Variants in MITF observed in about 807,000 individuals in gnomAD.
MITF encodes microphthalmia-associated transcription factor.
In MITF, 17 loss-of-function variants were observed where a neutral mutation model predicts 60.5. The observed-to-expected ratio is 0.28, with a 90% CI of 0.19 to 0.42. MITF has a LOEUF of 0.42. Among genes scored for constraint, MITF ranks in the 10% least tolerant of loss-of-function variants. The pLI, the probability that MITF is intolerant of heterozygous loss-of-function variation, is 1.00. For synonymous variants in MITF, 260 were observed against 248.5 expected (o/e 1.05, Z -0.43); for missense variants, 622 against 683.5 (o/e 0.91, Z 1.00).
intron 1 of MITF, among the ~76,000 whole-genome samples, chr3:69,874,005 C>T (rs1575857174): frequency 6.6e-6 from 1 of 152,246 alleles, no homozygotes; most frequent in East Asian, 1.9e-4. Context: ...TAGCTTAACC[C>T]ATACATGACA....
In MITF at chr3:69,790,928, A is replaced by G. The variant is rs111654723; in HGVS notation, c.104+51227A>G. Among the ~76,000 whole-genome samples the G allele has an allele frequency of 4.2e-3, 647 of 152,320 alleles. 6 individuals are homozygous for G. Among genetic ancestry groups the G allele is most frequent in the African/African-American group, 0.014 (600 of 41,556 alleles). Reference sequence around the variant, plus strand: ...GTAGGTTTAAGATATTAAACTTCTTAATTCCAAATGCATCCAATAATAATA... The same window carrying G: ...GTAGGTTTAAGATATTAAACTTCTTGATTCCAAATGCATCCAATAATAATA... On this transcript the variant is annotated intron_variant, in intron 1 of 9. Coordinates refer to ENST00000352241, the MANE Select transcript of MITF (RefSeq NM_001354604.2).
intron 1 of MITF, among the ~76,000 whole-genome samples, chr3:69,780,932 T>C (rs967399616): frequency 1.3e-5 from 2 of 152,184 alleles, no homozygotes; most frequent in African/African-American, 4.8e-5. Context: ...GTGACCATCT[T>C]TGGAGACAAC....
chr3:69,947,420 C>T (rs547750814), intron 5 of MITF, among the ~76,000 whole-genome samples: 3 of 152,160 alleles, frequency 2.0e-5, no homozygotes, highest in African/African-American at 7.2e-5. Context: ...TTAAATTGGA[C>T]AAGAATAAAA....
chr3:69,885,634 G>A (rs1226100070), intron 2 of MITF, among the ~76,000 whole-genome samples: 3 of 152,096 alleles, frequency 2.0e-5, no homozygotes, highest in African/African-American at 4.8e-5. Flanking sequence ...TACATAAACC[G>A]ATAAACAGTA....
At chr3:69,794,405 G>A (rs1201756272) in intron 1 of MITF, among the ~76,000 whole-genome samples, 3 of 152,116 alleles carry the variant, frequency 2.0e-5, no homozygotes, top group Non-Finnish European at 4.4e-5. Context: ...ATGGCTTTGT[G>A]TTGTTTGACG....
intron 1 of MITF, among the ~76,000 whole-genome samples, chr3:69,859,205 C>T (rs1212189680): frequency 1.3e-5 from 2 of 152,078 alleles, no homozygotes; most frequent in South Asian, 2.1e-4. Flanking sequence ...AATAGCAGAC[C>T]TCTCAGAAGT....
chr3:69,921,708 T>C (rs2065471831), intron 2 of MITF, among the ~76,000 whole-genome samples: 2 of 152,190 alleles, frequency 1.3e-5, no homozygotes, highest in Admixed American at 1.3e-4. Flanking sequence ...AGCATGTCAA[T>C]AGTTCATGAG....
At chr3:69,796,013 G>A (rs1233167229) in intron 1 of MITF, among the ~76,000 whole-genome samples, 4 of 152,188 alleles carry the variant, frequency 2.6e-5, no homozygotes, top group Admixed American at 6.5e-5. Context: ...ACGGAGTTGC[G>A]CTCAGTCGCC....
intron 1 of MITF, among the ~76,000 whole-genome samples, chr3:69,795,751 C>G (rs894006183): frequency 3.3e-5 from 5 of 152,052 alleles, no homozygotes; most frequent in African/African-American, 1.2e-4. Flanking sequence ...AAAAATAAAT[C>G]TAATTACAAC....
At chr3:69,828,126 A>C (rs535384659) in intron 1 of MITF, among the ~76,000 whole-genome samples, 3 of 152,244 alleles carry the variant, frequency 2.0e-5, no homozygotes, top group Admixed American at 1.3e-4. Flanking sequence ...TATTGACACC[A>C]TGTTTAGCCT....
intron 1 of MITF, among the ~76,000 whole-genome samples, chr3:69,754,506 C>T (rs1704055522): frequency 6.6e-6 from 1 of 152,134 alleles, no homozygotes; most frequent in African/African-American, 2.4e-5. Context: ...TGAGATGGCT[C>T]ACTCCCACTT....
chr3:69,917,978 G>A (rs1350571172), intron 2 of MITF, among the ~76,000 whole-genome samples: 1 of 152,006 alleles, frequency 6.6e-6, no homozygotes, highest in Non-Finnish European at 1.5e-5. Flanking sequence ...TTTTTTCTCA[G>A]CATGGGATTG....
intron 1 of MITF, among the ~76,000 whole-genome samples, chr3:69,755,878 T>C (rs1704127791): frequency 6.6e-6 from 1 of 152,220 alleles, no homozygotes; most frequent in African/African-American, 2.4e-5. Context: ...CTCCTCCTCC[T>C]GTACTATGAT....
chr3:69,799,270 G>T (rs906888186), intron 1 of MITF, among the ~76,000 whole-genome samples: 1 of 152,184 alleles, frequency 6.6e-6, no homozygotes, highest in African/African-American at 2.4e-5. Context: ...GAAAAATGGT[G>T]TGTCTGTGCA....
chr3:69,872,522 T>A (rs2107252781), intron 1 of MITF, among the ~76,000 whole-genome samples: 1 of 152,312 alleles, frequency 6.6e-6, no homozygotes, highest in African/African-American at 2.4e-5. Flanking sequence ...TGTACAAAAA[T>A]AAAAAATGAA....
At chr3:69,937,788 C>G (rs747980967) in intron 2 of MITF, 34 bp from the exon 3 acceptor site, 3 of 1,570,562 alleles carry the variant, frequency 1.9e-6, no homozygotes, top group Admixed American at 3.4e-5. Flanking sequence ...CAAATAACAG[C>G]GCTGTTTTCT....
intron 1 of MITF, among the ~76,000 whole-genome samples, chr3:69,771,631 T>C (rs12714757): frequency 0.26 from 39,382 of 152,144 alleles, 5,387 homozygotes; most frequent in East Asian, 0.48. Flanking sequence ...GGAAAGTAAG[T>C]GTTACCATTG....
intron 1 of MITF, among the ~76,000 whole-genome samples, chr3:69,745,229 T>C (rs1703678137): frequency 6.6e-6 from 1 of 152,180 alleles, no homozygotes; most frequent in Non-Finnish European, 1.5e-5. Context: ...AACTCAGGTA[T>C]GCCAAGTTGG....
At position 69,959,235 on chromosome 3, in the gene MITF, A is replaced by G. The variant is rs371773400; in HGVS notation, c.1032-38A>G. The G allele has an allele frequency of 3.1e-6, 5 of 1,612,346 alleles. No homozygotes were observed. In the Admixed American group the frequency reaches 5.0e-5, roughly 16 times the overall value. ...ATATTGAATTTTCATTGAGCCTCAA[A>G]TCCTAAAAATATCTGTTTTCCTCCA... On this transcript the variant is annotated intron_variant, in intron 8 of 9. Transcript: ENST00000352241.
Sources: gnomAD v4.1 joint callset for allele counts (sites outside exome capture counted in the v4.1 genomes callset) on GRCh38, gnomAD v4.1.1 for gene constraint, MANE v1.5 for transcripts, NCBI Gene and HGNC (gene_info 2026-07-23, HGNC 2026-07-21) for gene names.